The following RFC1 variants were observed in gnomAD, a reference collection of about 807,000 sequenced individuals.
RFC1 encodes the protein A1 140 kDa subunit.
A neutral mutation model predicts 137.4 loss-of-function variants in RFC1; 37 were observed. That is an observed-to-expected ratio of 0.27 (90% CI 0.21 to 0.35). RFC1 has a LOEUF of 0.35. Among genes scored for constraint, RFC1 ranks in the 10% least tolerant of loss-of-function variants. The pLI is 1.00. For missense variants in RFC1, 1,205 were observed against 1,358.5 expected (o/e 0.89, Z 1.78); for synonymous variants, 429 against 455.7 (o/e 0.94, Z 0.75).
Position 39,300,291 on chromosome 4 carries a change from T to C in RFC1, c.2659A>G (p.Asn887Asp), listed in dbSNP as rs1256226898. The change falls in exon 20 of 25, where the codon AAT (asparagine) becomes GAT (aspartate). Residue 887 changes from asparagine (N) to aspartate (D), a missense_variant. Transcript: ENST00000349703. ...GCTACAGGCTTCACGTGTATGTAAT[T>C]TTCCTGGACGAAGAGGGGTGCTATT... ...YSIAPLFVQENYIHVKPVAAG... is the reference protein window; with the variant it reads ...YSIAPLFVQEDYIHVKPVAAG... 6.2e-7 allele frequency: 1 copy of C among 1,614,014 alleles called. No individual in the cohort carries two copies. The highest frequency in any genetic ancestry group is 8.5e-7 in the Non-Finnish European group (1 of 1,180,026).
intron 9 of RFC1, among the ~76,000 whole-genome samples, chr4:39,318,969 G>A (rs938099576): frequency 2.0e-5 from 3 of 152,136 alleles, no homozygotes; most frequent in Non-Finnish European, 2.9e-5. Flanking sequence ...TTCAGAGACC[G>A]TTCGCTTCTC....
chr4:39,359,475 C>T (rs1333895801), intron 1 of RFC1, among the ~76,000 whole-genome samples: 1 of 152,194 alleles, frequency 6.6e-6, no homozygotes, highest in African/African-American at 2.4e-5. Context: ...GAAAACCAAA[C>T]ATTGTATATT....
At chr4:39,356,503 A>T (rs10856842) in intron 1 of RFC1, among the ~76,000 whole-genome samples, 138,146 of 152,270 alleles carry the variant, frequency 0.91, 64,180 homozygotes, top group East Asian at 1. Context: ...AAACCAAAAT[A>T]AATGGTAGAT....
At chr4:39,346,409 G>A (rs1450991769) in intron 2 of RFC1, among the ~76,000 whole-genome samples, 1 of 151,790 alleles carries the variant, frequency 6.6e-6, no homozygotes, top group African/African-American at 2.4e-5. Context: ...CTGGGGGGCA[G>A]AGGTTGCAGT....
At chr4:39,304,676 G>A (rs1037330946) in intron 15 of RFC1, 138 bp downstream of exon 15, 14 of 665,526 alleles carry the variant, frequency 2.1e-5, no homozygotes, top group Admixed American at 9.1e-5. Context: ...GATGTCAGAC[G>A]GCTTTCTTAT....
chr4:39,328,946 A>G (rs2109691411), intron 4 of RFC1, among the ~76,000 whole-genome samples: 1 of 152,108 alleles, frequency 6.6e-6, no homozygotes, highest in Admixed American at 6.6e-5. Context: ...CCATCTACTG[A>G]TATCTAACCA....
chr4:39,348,481 A>AG, intron 2 of RFC1, among the ~76,000 whole-genome samples: 1 of 138,444 alleles, frequency 7.2e-6, no homozygotes, highest in East Asian at 2.2e-4. Flanking sequence ...AAAGAAAAGA[A>AG]AAAGCATGTT....
intron 2 of RFC1, among the ~76,000 whole-genome samples, chr4:39,348,428 A>AAAGGAAAGGAAAGGAAAG (rs1491335995): frequency 2.6e-5 from 1 of 37,966 alleles, no homozygotes; most frequent in Non-Finnish European, 6.5e-5. Flanking sequence ...GTTTCAAAAA[A>AAAGGAAAGGAAAGGAAAG]GAAAAGAAAA....
chr4:39,364,189 G>GT (rs1403665696), intron 1 of RFC1, among the ~76,000 whole-genome samples: 4 of 148,944 alleles, frequency 2.7e-5, no homozygotes, highest in South Asian at 2.1e-4. Flanking sequence ...ATCATTCACT[G>GT]TATTTATCAA....
In RFC1 at chr4:39,337,361, C is replaced by G. The variant is rs537571667; in HGVS notation, c.331+4984G>C. 5.0e-4 allele frequency among the ~76,000 whole-genome samples: 68 copies of G among 136,006 alleles called. 1 individual carries two copies. The South Asian group carries it at 0.013, about 27-fold the overall frequency. 89.2% of individuals were successfully genotyped at this position (136,006 alleles called of 152,430 possible). Reference sequence around the variant, plus strand: ...TGCACTCCAGCCTAGGCAACAAGAGCGAAACTCCGTCTCAAAAAAAAAAAA... The same window carrying G: ...TGCACTCCAGCCTAGGCAACAAGAGGGAAACTCCGTCTCAAAAAAAAAAAA... On this transcript the variant is annotated intron_variant, in intron 4 of 24. Transcript: ENST00000349703.
At chr4:39,323,705 C>A (rs1739630118) in intron 6 of RFC1, among the ~76,000 whole-genome samples, 1 of 152,134 alleles carries the variant, frequency 6.6e-6, no homozygotes, top group Admixed American at 6.5e-5. Flanking sequence ...GTACTTTTCT[C>A]TTAATGGTTC....
intron 4 of RFC1, among the ~76,000 whole-genome samples, chr4:39,337,315 G>A (rs1020040301): frequency 7.9e-5 from 12 of 151,410 alleles, no homozygotes; most frequent in African/African-American, 2.2e-4. Flanking sequence ...CGGAGGTTGC[G>A]GTGACCCAAG....
chr4:39,293,458 A>G (rs893208795), intron 22 of RFC1, among the ~76,000 whole-genome samples: 11 of 152,298 alleles, frequency 7.2e-5, no homozygotes, highest in African/African-American at 2.4e-4. Flanking sequence ...CAGATTCTCA[A>G]AAGCATCTAT....
At position 39,304,863 on chromosome 4, in the gene RFC1, C is replaced by T. The variant is rs150474182; in HGVS notation, c.2061G>A (p.Ala687=). ...SDTRSKSSLK[A]IVAESLNNTS... ...TATTGTTCAGTGACTCAGCAACAAT[C>T]GCCTTCAAACTGCTCTTACTCCGGG... Residue 687 remains alanine, a synonymous_variant, in exon 15 of 25, where the codon GCG becomes GCA. Coordinates refer to ENST00000349703, the MANE Select transcript of RFC1 (RefSeq NM_002913.5). 130 of 1,613,560 alleles carry T rather than the reference C, an allele frequency of 8.1e-5. No homozygotes were observed. The highest frequency in any genetic ancestry group is 1.1e-4 in the Non-Finnish European group (127 of 1,179,610).
chr4:39,329,127 CAAAAAAAAAAA>C (rs71594924), intron 4 of RFC1, among the ~76,000 whole-genome samples: 17 of 31,660 alleles, frequency 5.4e-4, no homozygotes, highest in South Asian at 2.8e-3. Flanking sequence ...CAGTGACTCA[CAAAAAAAAAAA>C]AAAAAAAAAA....
At chr4:39,329,771 A>C (rs1165521425) in intron 4 of RFC1, among the ~76,000 whole-genome samples, 2 of 152,034 alleles carry the variant, frequency 1.3e-5, no homozygotes, top group Admixed American at 1.3e-4. Context: ...GCAGTGGCTC[A>C]CACCTGCAAT....
At chr4:39,348,462 A>G (rs568254173) in intron 2 of RFC1, among the ~76,000 whole-genome samples, 109 of 137,480 alleles carry the variant, frequency 7.9e-4, no homozygotes, top group Middle Eastern at 3.8e-3. Flanking sequence ...AAGAAAAGAA[A>G]AGAAAAGAAA....
chr4:39,296,608 T>C (rs1198490135), intron 21 of RFC1, among the ~76,000 whole-genome samples: 1 of 151,670 alleles, frequency 6.6e-6, no homozygotes, highest in East Asian at 1.9e-4. Context: ...CTGCATAGTA[T>C]TCCATGGTAT....
Position 39,366,344 on chromosome 4 carries a change from A to G in RFC1, c.-103T>C. On this transcript the variant is annotated 5_prime_UTR_variant, in exon 1 of 25. Transcript: ENST00000349703. ...TTCGCGCCAACAACTTCTCCCGCGA[A>G]GTGCAAGAAGGCGAAGACAGTGGCG... 3 of 1,329,540 alleles carry G rather than the reference A, an allele frequency of 2.3e-6. No individual in the cohort carries two copies. The highest frequency in any genetic ancestry group is 3.0e-6 in the Non-Finnish European group (3 of 1,011,864). The allele number at this position is 1,329,540 out of a possible 1,614,324, so 82.4% of individuals were successfully genotyped here.
Sources: allele counts gnomAD v4.1 joint callset (sites outside exome capture counted in the v4.1 genomes callset), GRCh38; gene constraint gnomAD v4.1.1; transcripts MANE v1.5; gene names NCBI Gene and HGNC (gene_info 2026-07-23, HGNC 2026-07-21).